SGCG: variants seen among roughly 807,000 people sequenced by gnomAD.
SGCG encodes sarcoglycan gamma.
Under a neutral mutation model 29.3 loss-of-function variants are expected in SGCG, and 26 were observed. The observed-to-expected ratio is 0.89, with a 90% CI of 0.65 to 1.23. SGCG has a LOEUF of 1.23. SGCG is among the 50% of genes most tolerant of loss of function. The probability of loss-of-function intolerance (pLI) is 0.00; values close to 1 mark genes in which losing one functional copy is unlikely to be tolerated. For synonymous variants in SGCG, 145 were observed against 129.7 expected, an observed-to-expected ratio of 1.12 and a Z score of -0.80; for missense variants, 353 against 356.0, an observed-to-expected ratio of 0.99 and a Z score of 0.07.
At chr13:23,166,087 C>T in the SGCG span, among the ~76,000 whole-genome samples, 30 of 152,066 alleles carry the variant, frequency 2.0e-4, no homozygotes, top group African/African-American at 6.8e-4. Context: ...TGAGAAGGAA[C>T]GGTGAGAGGG....
intron 1 of SGCG, among the ~76,000 whole-genome samples, chr13:23,188,897 C>T (rs113904766): frequency 0.018 from 2,790 of 152,284 alleles, 94 homozygotes; most frequent in African/African-American, 0.064. Context: ...ATGCCTCCCC[C>T]GGCACAGCAG....
the SGCG span, chr13:23,169,719 C>G: frequency 8.8e-6 from 1 of 113,080 alleles, no homozygotes; most frequent in African/African-American, 3.5e-5. Flanking sequence ...CACACACACA[C>G]ACACACACAC....
At chr13:23,215,217 A>G (rs1486464219) in intron 2 of SGCG, among the ~76,000 whole-genome samples, 1 of 152,188 alleles carries the variant, frequency 6.6e-6, no homozygotes, top group Non-Finnish European at 1.5e-5. Flanking sequence ...CACAGGGAAT[A>G]TTCTTATAAC....
chr13:23,324,353 T>A lies in SGCG; in HGVS notation c.703-15T>A. On this transcript the variant is annotated splice_polypyrimidine_tract_variant and intron_variant, in intron 7 of 7. Coordinates refer to ENST00000218867, the MANE Select transcript of SGCG (RefSeq NM_000231.3). ...CCCTTCCTTAACTCTTCGTCTCTCA[T>A]CTTCTCCCAACCAGCTTGTGCTTGA... The A allele has an allele frequency of 1.2e-6, 2 of 1,614,084 alleles. No individual in the cohort carries two copies. The highest frequency in any genetic ancestry group is 1.7e-6 in the Non-Finnish European group (2 of 1,179,930).
chr13:23,295,620 C>G, intron 6 of SGCG, 133 bp downstream of exon 6: 1 of 741,076 alleles, frequency 1.3e-6, no homozygotes, highest in South Asian at 1.5e-5. Flanking sequence ...CAAGACTTTC[C>G]GCTTATAACT....
chr13:23,192,661 G>A (rs1877322877), intron 1 of SGCG, among the ~76,000 whole-genome samples: 1 of 152,156 alleles, frequency 6.6e-6, no homozygotes, highest in Non-Finnish European at 1.5e-5. Context: ...CTCCCAGAGT[G>A]CTGGGATTAC....
At chr13:23,293,577 C>T (rs1373905712) in intron 5 of SGCG, among the ~76,000 whole-genome samples, 1 of 152,156 alleles carries the variant, frequency 6.6e-6, no homozygotes, top group East Asian at 1.9e-4. Context: ...CGCCTATAAT[C>T]CCAGCACTTT....
chr13:23,163,773 T>C, the SGCG span, among the ~76,000 whole-genome samples: 44 of 152,254 alleles, frequency 2.9e-4, 1 homozygote, highest in African/African-American at 1.0e-3. Context: ...AAAGGGAAAA[T>C]TTTTAAACAT....
intron 6 of SGCG, among the ~76,000 whole-genome samples, chr13:23,311,963 G>A (rs942503805): frequency 4.6e-5 from 7 of 151,832 alleles, no homozygotes; most frequent in African/African-American, 7.3e-5. Flanking sequence ...GCATGTTTTC[G>A]TTGCTTTTTT....
the SGCG span, among the ~76,000 whole-genome samples, chr13:23,165,852 C>T: frequency 6.6e-6 from 1 of 152,148 alleles, no homozygotes; most frequent in East Asian, 1.9e-4. Context: ...TTGTTCATTG[C>T]TGGCATTTAT....
At chr13:23,198,578 G>A (rs931022625) in intron 1 of SGCG, among the ~76,000 whole-genome samples, 3 of 152,108 alleles carry the variant, frequency 2.0e-5, no homozygotes, top group Admixed American at 2.0e-4. Flanking sequence ...CGGGCGCGGT[G>A]GCTCATACCT....
At chr13:23,205,305 T>G (rs997857965) in intron 2 of SGCG, among the ~76,000 whole-genome samples, 3 of 152,086 alleles carry the variant, frequency 2.0e-5, no homozygotes, top group African/African-American at 7.2e-5. Flanking sequence ...ACTCTAACAT[T>G]TTTTGGAGAG....
At chr13:23,254,529 T>G (rs1049616927) in intron 4 of SGCG, among the ~76,000 whole-genome samples, 30 of 152,128 alleles carry the variant, frequency 2.0e-4, no homozygotes, top group Admixed American at 1.9e-3. Flanking sequence ...AATTTGAATT[T>G]ATATTTAAAA....
chr13:23,219,257 C>A (rs1878561078), intron 2 of SGCG, among the ~76,000 whole-genome samples: 1 of 152,026 alleles, frequency 6.6e-6, no homozygotes, highest in Non-Finnish European at 1.5e-5. Context: ...TCGTGTTAGC[C>A]AGGATGGTCT....
chr13:23,165,882 A>G, the SGCG span, among the ~76,000 whole-genome samples: 1 of 152,142 alleles, frequency 6.6e-6, no homozygotes, highest in Non-Finnish European at 1.5e-5. Flanking sequence ...CAATTTTTAT[A>G]TATAAACTTT....
At chr13:23,269,229 A>G (rs1207378017) in intron 4 of SGCG, 1 of 152,244 alleles carries the variant, frequency 6.6e-6, no homozygotes, top group East Asian at 1.9e-4. Context: ...TCAATAGTCA[A>G]TCCAAAAATA....
intron 6 of SGCG, among the ~76,000 whole-genome samples, chr13:23,301,482 A>C (rs1254969386): frequency 1.3e-5 from 2 of 152,192 alleles, no homozygotes; most frequent in Admixed American, 6.5e-5. Context: ...GGGAATGGTG[A>C]AGATGGGGCT....
At chr13:23,228,427 T>G (rs1878982240) in intron 2 of SGCG, among the ~76,000 whole-genome samples, 1 of 128,626 alleles carries the variant, frequency 7.8e-6, no homozygotes, top group Admixed American at 8.0e-5. Flanking sequence ...TTATGTCAAT[T>G]CCTACTTTTT....
chr13:23,293,580 A>G (rs1881796550), intron 5 of SGCG, among the ~76,000 whole-genome samples: 1 of 152,226 alleles, frequency 6.6e-6, no homozygotes, highest in South Asian at 2.1e-4. Context: ...CTATAATCCC[A>G]GCACTTTAGG....
Sources: allele counts gnomAD v4.1 joint callset (sites outside exome capture counted in the v4.1 genomes callset), GRCh38; gene constraint gnomAD v4.1.1; transcripts MANE v1.5; gene names NCBI Gene and HGNC (gene_info 2026-07-23, HGNC 2026-07-21).